ZFPM2: variants seen among roughly 807,000 people sequenced by gnomAD.
ZFPM2 encodes zinc finger protein ZFPM2.
In ZFPM2, 20 loss-of-function variants were observed where a neutral mutation model predicts 98.6. That is an observed-to-expected ratio of 0.20 (90% CI 0.14 to 0.29). The LOEUF (loss-of-function observed/expected upper bound fraction) is 0.29. Ranked by LOEUF, ZFPM2 falls within the 10% of genes least tolerant of loss-of-function variation. ZFPM2 has a pLI of 1.00. For synonymous variants in ZFPM2, 518 were observed against 502.7 expected (o/e 1.03, Z -0.41); for missense variants, 1,310 against 1,388.6 (o/e 0.94, Z 0.90).
chr8:105,694,200 A>C (rs529757055), intron 5 of ZFPM2, among the ~76,000 whole-genome samples: 1 of 151,484 alleles, frequency 6.6e-6, no homozygotes, highest in Non-Finnish European at 1.5e-5. Flanking sequence ...GTTAGCCAGG[A>C]TGGTCTCAAT....
At chr8:105,666,322 G>A (rs1325626385) in intron 5 of ZFPM2, among the ~76,000 whole-genome samples, 1 of 152,276 alleles carries the variant, frequency 6.6e-6, no homozygotes, top group East Asian at 1.9e-4. Context: ...TAGCAATTCA[G>A]TGTCTGAATT....
chr8:105,343,609 A>G (rs563564797), intron 1 of ZFPM2, among the ~76,000 whole-genome samples: 13 of 152,268 alleles, frequency 8.5e-5, no homozygotes, highest in African/African-American at 2.6e-4. Flanking sequence ...GCATCAGTAA[A>G]ATAGCTAGAG....
In ZFPM2 at chr8:105,399,879, C is replaced by T. The variant is rs185885191; in HGVS notation, c.41-19265C>T. ...CTCCTGGGTTCAAGTAATTCTCTTG[C>T]CTCAGCCTCCCGAATAGTTGGGATT... On this transcript the variant is annotated intron_variant, in intron 1 of 7. Coordinates refer to ENST00000407775, the MANE Select transcript of ZFPM2 (RefSeq NM_012082.4). Among the ~76,000 whole-genome samples, 73 of 152,234 alleles carry T rather than the reference C, an allele frequency of 4.8e-4. 1 individual carries two copies. In the East Asian group the frequency reaches 0.013, roughly 27 times the overall value.
chr8:105,379,709 C>T (rs1171671116), intron 1 of ZFPM2, among the ~76,000 whole-genome samples: 4 of 149,250 alleles, frequency 2.7e-5, no homozygotes, highest in South Asian at 2.1e-4. Context: ...GCCGAGATCA[C>T]GCCATTGCGC....
chr8:105,657,458 A>C (rs1264807981), intron 5 of ZFPM2, among the ~76,000 whole-genome samples: 1 of 152,072 alleles, frequency 6.6e-6, no homozygotes, highest in African/African-American at 2.4e-5. Context: ...TTCTATTCTT[A>C]AGAGATTTTG....
At chr8:105,744,596 A>C (rs1170818994) in intron 5 of ZFPM2, among the ~76,000 whole-genome samples, 1 of 152,130 alleles carries the variant, frequency 6.6e-6, no homozygotes, top group East Asian at 1.9e-4. Context: ...CTGGGGAAAC[A>C]CATCCAAACT....
At chr8:105,624,703 C>T (rs1439547358) in intron 4 of ZFPM2, among the ~76,000 whole-genome samples, 1 of 151,976 alleles carries the variant, frequency 6.6e-6, no homozygotes, top group Non-Finnish European at 1.5e-5. Context: ...TGTATTTTCT[C>T]TTCTAACAGG....
chr8:105,588,937 CAG>C (rs2130759782), intron 4 of ZFPM2, among the ~76,000 whole-genome samples: 1 of 152,274 alleles, frequency 6.6e-6, no homozygotes, highest in African/African-American at 2.4e-5. Context: ...AAACCGAAGT[CAG>C]AGGAAATGCG....
intron 1 of ZFPM2, among the ~76,000 whole-genome samples, chr8:105,324,181 A>G (rs537894986): frequency 2.9e-4 from 44 of 151,964 alleles, no homozygotes; most frequent in Admixed American, 9.2e-4. Context: ...TATGTTTAAG[A>G]GTTAATACAA....
intron 3 of ZFPM2, among the ~76,000 whole-genome samples, chr8:105,519,314 G>A (rs1389429694): frequency 6.6e-6 from 1 of 152,022 alleles, no homozygotes; most frequent in East Asian, 1.9e-4. Context: ...ATCAAATATG[G>A]TACTGTAAAA....
intron 5 of ZFPM2, among the ~76,000 whole-genome samples, chr8:105,756,266 C>T (rs1000847282): frequency 6.6e-6 from 1 of 152,088 alleles, no homozygotes; most frequent in African/African-American, 2.4e-5. Flanking sequence ...GCTGTTTTTC[C>T]CTGCAGCTAA....
chr8:105,696,536 T>C (rs1201257334), intron 5 of ZFPM2, among the ~76,000 whole-genome samples: 1 of 152,174 alleles, frequency 6.6e-6, no homozygotes, highest in African/African-American at 2.4e-5. Flanking sequence ...ACCAAAGTTA[T>C]TAAAAATTAG....
chr8:105,629,718 G>A (rs1321380390), intron 4 of ZFPM2, among the ~76,000 whole-genome samples: 1 of 152,174 alleles, frequency 6.6e-6, no homozygotes, highest in Non-Finnish European at 1.5e-5. Flanking sequence ...TAGAGCTGAA[G>A]TTCCTGTTTC....
rs1392344120 is a variant in ZFPM2 at position 105,801,268 on chromosome 8, G to A, written c.1186G>A (p.Asp396Asn). The A allele has an allele frequency of 1.4e-5, 23 of 1,613,786 alleles. No individual in the cohort carries two copies. The highest frequency in any genetic ancestry group is 1.5e-5 in the Non-Finnish European group (18 of 1,179,870). The change falls in exon 8 of 8, where the codon GAC becomes AAC. Residue 396 changes from aspartate (D) to asparagine (N), a missense_variant. Physicochemically the swap from Asp to Asn is conservative, Grantham distance 23. Coordinates refer to ENST00000407775, the MANE Select transcript of ZFPM2 (RefSeq NM_012082.4). ...VPSGKLPRESDMEHSPSATED... is the reference protein window; with the variant it reads ...VPSGKLPRESNMEHSPSATED... Reference sequence around the variant, plus strand: ...TAGCGGCAAACTTCCCAGAGAAAGTGACATGGAACACTCTCCAAGTGCAAC... The same window carrying A: ...TAGCGGCAAACTTCCCAGAGAAAGTAACATGGAACACTCTCCAAGTGCAAC...
At chr8:105,623,809 A>G (rs1488538472) in intron 4 of ZFPM2, among the ~76,000 whole-genome samples, 1 of 152,134 alleles carries the variant, frequency 6.6e-6, no homozygotes, top group African/African-American at 2.4e-5. Context: ...CCTCTGTTAG[A>G]TACTCCTTTT....
chr8:105,352,196 A>G (rs541087498), intron 1 of ZFPM2, among the ~76,000 whole-genome samples: 1 of 152,294 alleles, frequency 6.6e-6, no homozygotes, highest in Non-Finnish European at 1.5e-5. Context: ...TGTTGTGTTG[A>G]TTTTGCACAT....
chr8:105,703,876 G>A (rs545885572), intron 5 of ZFPM2, among the ~76,000 whole-genome samples: 15 of 151,996 alleles, frequency 9.9e-5, no homozygotes, highest in African/African-American at 1.7e-4. Flanking sequence ...CTATCCACCC[G>A]CCCTTCATTT....
intron 5 of ZFPM2, among the ~76,000 whole-genome samples, chr8:105,716,306 A>G (rs1642135276): frequency 6.6e-6 from 1 of 151,422 alleles, no homozygotes; most frequent in Non-Finnish European, 1.5e-5. Flanking sequence ...ACTGCATTTC[A>G]GAGCAAATAT....
rs372358683 is a variant in ZFPM2 at position 105,390,178 on chromosome 8, A to G, written c.41-28966A>G. On this transcript the variant is annotated intron_variant, in intron 1 of 7. Coordinates refer to ENST00000407775, the MANE Select transcript of ZFPM2 (RefSeq NM_012082.4). Reference sequence around the variant, plus strand: ...CCCAGTAAGATTGTTCTTGTCAGATACCAATCTCAAACTCAGAGGTTCCCA... The same window carrying G: ...CCCAGTAAGATTGTTCTTGTCAGATGCCAATCTCAAACTCAGAGGTTCCCA... 5.3e-5 allele frequency among the ~76,000 whole-genome samples: 8 copies of G among 152,282 alleles called. No homozygotes were observed. The East Asian group carries it at 1.5e-3, about 29-fold the overall frequency.
Sources: gnomAD v4.1 joint callset for allele counts (sites outside exome capture counted in the v4.1 genomes callset) on GRCh38, gnomAD v4.1.1 for gene constraint, MANE v1.5 for transcripts, NCBI Gene and HGNC (gene_info 2026-07-23, HGNC 2026-07-21) for gene names.